The following CEP85L variants were observed in gnomAD, a reference collection of about 807,000 sequenced individuals.
CEP85L encodes the protein centrosomal protein of 85 kDa-like.
In CEP85L, 60 loss-of-function variants were observed where a neutral mutation model predicts 100.3. The observed-to-expected ratio is 0.60, with a 90% CI of 0.49 to 0.74. CEP85L has a LOEUF of 0.74. Ranked by LOEUF, CEP85L falls within the 30% of genes least tolerant of loss-of-function variation. The probability of loss-of-function intolerance (pLI) is 0.00; values close to 1 mark genes in which losing one functional copy is unlikely to be tolerated. For missense variants in CEP85L, 973 were observed against 936.2 expected, an observed-to-expected ratio of 1.04 and a Z score of -0.51; for synonymous variants, 319 against 322.7, an observed-to-expected ratio of 0.99 and a Z score of 0.12.
At chr6:118,610,726 T>C (rs771315986) in intron 2 of CEP85L, among the ~76,000 whole-genome samples, 23 of 151,862 alleles carry the variant, frequency 1.5e-4, no homozygotes, top group Non-Finnish European at 3.2e-4. Flanking sequence ...ATAATTGAAT[T>C]TCTGAAAACT....
intron 6 of CEP85L, among the ~76,000 whole-genome samples, chr6:118,487,107 G>A (rs1774239853): frequency 6.6e-6 from 1 of 152,092 alleles, no homozygotes; most frequent in Non-Finnish European, 1.5e-5. Flanking sequence ...AGGAGTAGAA[G>A]GGAAAAATAT....
chr6:118,682,994 T>C (rs966648509), intron 1 of CEP85L, among the ~76,000 whole-genome samples: 4 of 152,156 alleles, frequency 2.6e-5, no homozygotes, highest in African/African-American at 7.2e-5. Flanking sequence ...CCAGGAGATA[T>C]GGCCTGAATT....
chr6:118,484,815 T>A (rs1036795138), intron 6 of CEP85L, among the ~76,000 whole-genome samples: 1 of 152,218 alleles, frequency 6.6e-6, no homozygotes, highest in Non-Finnish European at 1.5e-5. Context: ...TACTAAACAA[T>A]GCAACTAAAG....
intron 2 of CEP85L, among the ~76,000 whole-genome samples, chr6:118,602,013 A>C (rs894080889): frequency 6.6e-6 from 1 of 152,142 alleles, no homozygotes. Flanking sequence ...CTCCTGTTTA[A>C]GATGGAGTTG....
At chr6:118,692,510 A>G (rs1777077608) in intron 1 of CEP85L, among the ~76,000 whole-genome samples, 1 of 152,176 alleles carries the variant, frequency 6.6e-6, no homozygotes, top group African/African-American at 2.4e-5. Flanking sequence ...TCCCCTATCA[A>G]GAAGAGATGC....
intron 1 of CEP85L, among the ~76,000 whole-genome samples, chr6:118,702,951 G>T (rs539592361): frequency 6.8e-6 from 1 of 147,884 alleles, no homozygotes; most frequent in East Asian, 2.0e-4. Flanking sequence ...AGCCGAGATG[G>T]CTCCATTGCA....
At chr6:118,501,765 C>A in intron 5 of CEP85L, 1 of 924,546 alleles carries the variant, frequency 1.1e-6, no homozygotes, top group Non-Finnish European at 1.8e-6. Context: ...AGCAGAAAGA[C>A]AGAACAGACA....
At chr6:118,699,819 C>T (rs766230654) in intron 1 of CEP85L, among the ~76,000 whole-genome samples, 10 of 152,104 alleles carry the variant, frequency 6.6e-5, no homozygotes, top group South Asian at 2.1e-4. Context: ...CTCAGCCTCC[C>T]GAGTAGCGGG....
upstream of CEP85L, chr6:118,651,930 C>T: frequency 1.0e-6 from 1 of 985,546 alleles, no homozygotes; most frequent in Non-Finnish European, 1.2e-6. Context: ...AGACCTGCCC[C>T]TGGCGTCACA....
intron 2 of CEP85L, among the ~76,000 whole-genome samples, chr6:118,575,332 A>G (rs1780161112): frequency 6.6e-6 from 1 of 152,220 alleles, no homozygotes; most frequent in Non-Finnish European, 1.5e-5. Flanking sequence ...TAAACCAAAG[A>G]ACCTACTCTC....
At chr6:118,700,844 C>G (rs1027437251) in intron 1 of CEP85L, among the ~76,000 whole-genome samples, 3 of 152,196 alleles carry the variant, frequency 2.0e-5, no homozygotes, top group African/African-American at 7.2e-5. Flanking sequence ...CCTCAAGAGT[C>G]TGCATGTTTA....
At chr6:118,557,336 C>T (rs904378638) in intron 3 of CEP85L, among the ~76,000 whole-genome samples, 5 of 152,242 alleles carry the variant, frequency 3.3e-5, no homozygotes, top group Admixed American at 3.3e-4. Flanking sequence ...TACAGAGTAA[C>T]AGATTTAAAG....
intron 2 of CEP85L, among the ~76,000 whole-genome samples, chr6:118,573,370 G>T (rs575882630): frequency 6.6e-6 from 1 of 152,258 alleles, no homozygotes; most frequent in East Asian, 1.9e-4. Flanking sequence ...TATATTTTCA[G>T]CTAAGCAAAA....
At chr6:118,659,065 C>A (rs117381044) in intron 1 of CEP85L, among the ~76,000 whole-genome samples, 1 of 152,212 alleles carries the variant, frequency 6.6e-6, no homozygotes, top group Non-Finnish European at 1.5e-5. Flanking sequence ...TTTTAAAACC[C>A]TAGTAGAATA....
intron 5 of CEP85L, among the ~76,000 whole-genome samples, chr6:118,504,056 C>A (rs1048777390): frequency 6.6e-6 from 1 of 151,802 alleles, no homozygotes; most frequent in African/African-American, 2.4e-5. Context: ...AACAAACAAA[C>A]AAAAAAAACC....
chr6:118,644,874 T>G (rs895843971), intron 1 of CEP85L, among the ~76,000 whole-genome samples: 1 of 152,160 alleles, frequency 6.6e-6, no homozygotes, highest in Non-Finnish European at 1.5e-5. Context: ...CTCTACAATT[T>G]CTTCTTCCAC....
chr6:118,657,407 C>T (rs1204625408), upstream of CEP85L, among the ~76,000 whole-genome samples: 4 of 152,176 alleles, frequency 2.6e-5, no homozygotes, highest in Admixed American at 6.5e-5. Context: ...CACTTGAAGT[C>T]AGGAGTTCCA....
intron 2 of CEP85L, among the ~76,000 whole-genome samples, chr6:118,629,948 C>T (rs1034853736): frequency 6.6e-6 from 1 of 152,152 alleles, no homozygotes; most frequent in Admixed American, 6.5e-5. Context: ...AAACACACCC[C>T]CTCCTGTTTT....
At chr6:118,565,226 T>G in intron 3 of CEP85L, 1 of 336,576 alleles carries the variant, frequency 3.0e-6, no homozygotes, top group Non-Finnish European at 5.5e-6. Context: ...GCTAGCTTTT[T>G]TGTTTCTGTT....
Sources: allele counts gnomAD v4.1 joint callset (sites outside exome capture counted in the v4.1 genomes callset), GRCh38; gene constraint gnomAD v4.1.1; transcripts MANE v1.5; gene names NCBI Gene and HGNC (gene_info 2026-07-23, HGNC 2026-07-21).